The following NPAS3 variants were observed in gnomAD, a reference collection of about 807,000 sequenced individuals.
The protein encoded by NPAS3 is neuronal PAS domain protein 3, also known as neuronal PAS domain-containing protein 3.
NPAS3 carries 14 observed loss-of-function variants against 73.1 expected under a neutral mutation model. The observed-to-expected ratio is 0.19, with a 90% CI of 0.13 to 0.30. The LOEUF (loss-of-function observed/expected upper bound fraction) is 0.30, where lower values mean the gene tolerates loss of function less well. NPAS3 is among the 10% of genes least tolerant of loss of function. The pLI, the probability that NPAS3 is intolerant of heterozygous loss-of-function variation, is 1.00. For synonymous variants in NPAS3, 620 were observed against 541.5 expected (o/e 1.14, Z -2.01); for missense variants, 1,096 against 1,250.0 (o/e 0.88, Z 1.86).
At chr14:33,525,127 T>C (rs2053740647) in intron 4 of NPAS3, among the ~76,000 whole-genome samples, 1 of 152,184 alleles carries the variant, frequency 6.6e-6, no homozygotes, top group African/African-American at 2.4e-5. Flanking sequence ...ATTCATAATG[T>C]AGAAAAATGT....
chr14:33,362,475 C>T (rs1191102798), intron 3 of NPAS3, among the ~76,000 whole-genome samples: 1 of 152,176 alleles, frequency 6.6e-6, no homozygotes, highest in Admixed American at 6.5e-5. Context: ...GAATCCCTTT[C>T]CTTTTCTTCT....
At chr14:32,942,133 T>C (rs1260667981) in intron 1 of NPAS3, among the ~76,000 whole-genome samples, 1 of 152,220 alleles carries the variant, frequency 6.6e-6, no homozygotes, top group Non-Finnish European at 1.5e-5. Flanking sequence ...TGACTTTCTG[T>C]GGATATGTTT....
intron 3 of NPAS3, 156 bp downstream of exon 3, chr14:33,215,582 G>A (rs773144656): frequency 1.2e-6 from 1 of 855,532 alleles, no homozygotes; most frequent in Non-Finnish European, 2.0e-6. Flanking sequence ...AAGACACCAT[G>A]TGAAGGTGAA....
intron 1 of NPAS3, among the ~76,000 whole-genome samples, chr14:32,939,800 G>C (rs1463492802): frequency 2.0e-5 from 3 of 152,034 alleles, no homozygotes; most frequent in East Asian, 1.9e-4. Flanking sequence ...GGCTGGGGAG[G>C]GGGAGGGAAG....
chr14:33,770,914 A>G (rs943433033), intron 7 of NPAS3, among the ~76,000 whole-genome samples: 16 of 152,218 alleles, frequency 1.1e-4, no homozygotes, highest in Non-Finnish European at 1.6e-4. Context: ...AAAACAAAAC[A>G]AAACAAAAAA....
chr14:33,222,888 G>A (rs981749800), intron 3 of NPAS3, among the ~76,000 whole-genome samples: 2 of 152,148 alleles, frequency 1.3e-5, no homozygotes, highest in Non-Finnish European at 2.9e-5. Context: ...TGGGAATAAT[G>A]TGAAAACAAA....
chr14:33,143,799 G>A (rs190289054), intron 2 of NPAS3, among the ~76,000 whole-genome samples: 1 of 152,234 alleles, frequency 6.6e-6, no homozygotes, highest in Admixed American at 6.5e-5. Flanking sequence ...GATGTTTCCT[G>A]TAAATGGAAT....
intron 4 of NPAS3, among the ~76,000 whole-genome samples, chr14:33,503,760 G>T (rs2052627611): frequency 6.6e-6 from 1 of 151,928 alleles, no homozygotes; most frequent in Admixed American, 6.6e-5. Flanking sequence ...GAAAGCTGAA[G>T]GAAGAAAATT....
chr14:33,246,322 G>A (rs1308837356), intron 3 of NPAS3, among the ~76,000 whole-genome samples: 2 of 151,420 alleles, frequency 1.3e-5, no homozygotes, highest in African/African-American at 4.9e-5. Flanking sequence ...GGCGGATCAC[G>A]AGGTCAGGAG....
intron 5 of NPAS3, among the ~76,000 whole-genome samples, chr14:33,672,949 T>G (rs1184305433): frequency 6.6e-6 from 1 of 152,214 alleles, no homozygotes; most frequent in African/African-American, 2.4e-5. Flanking sequence ...ATGTTGAAAG[T>G]GTTAGATACA....
chr14:33,203,224 T>G (rs1003249344), intron 2 of NPAS3, among the ~76,000 whole-genome samples: 1 of 152,266 alleles, frequency 6.6e-6, no homozygotes, highest in African/African-American at 2.4e-5. Context: ...AGTGCCCATG[T>G]CATTTTGGTT....
chr14:33,271,835 A>G (rs959507494), intron 3 of NPAS3, among the ~76,000 whole-genome samples: 3 of 152,100 alleles, frequency 2.0e-5, no homozygotes, highest in Admixed American at 1.3e-4. Flanking sequence ...AAATTAAGTT[A>G]GTTATATTCC....
chr14:33,715,954 C>T (rs750663967), intron 6 of NPAS3, among the ~76,000 whole-genome samples: 12 of 152,228 alleles, frequency 7.9e-5, no homozygotes, highest in Non-Finnish European at 1.8e-4. Flanking sequence ...CCTCCCTCGC[C>T]TTCCACCATG....
At chr14:33,743,919 T>C (rs1393313438) in intron 7 of NPAS3, among the ~76,000 whole-genome samples, 1 of 152,244 alleles carries the variant, frequency 6.6e-6, no homozygotes, top group African/African-American at 2.4e-5. Flanking sequence ...TCTTCATATC[T>C]CTCAGCCTTC....
At chr14:33,342,084 C>T (rs930646803) in intron 3 of NPAS3, among the ~76,000 whole-genome samples, 13 of 152,118 alleles carry the variant, frequency 8.5e-5, no homozygotes, top group African/African-American at 2.9e-4. Context: ...TTCCACGTGT[C>T]CTGACAGAAA....
At chr14:33,664,454 C>T (rs1192970341) in intron 5 of NPAS3, among the ~76,000 whole-genome samples, 3 of 152,186 alleles carry the variant, frequency 2.0e-5, no homozygotes, top group Non-Finnish European at 2.9e-5. Flanking sequence ...AGGACATAGG[C>T]ATGGGCAAAG....
intron 4 of NPAS3, among the ~76,000 whole-genome samples, chr14:33,527,085 G>A (rs556770491): frequency 1.3e-5 from 2 of 152,242 alleles, no homozygotes; most frequent in African/African-American, 2.4e-5. Flanking sequence ...GCTATATGTG[G>A]AGAAGGAGGA....
intron 2 of NPAS3, among the ~76,000 whole-genome samples, chr14:33,155,762 C>T (rs1412325191): frequency 6.6e-6 from 1 of 152,064 alleles, no homozygotes; most frequent in Non-Finnish European, 1.5e-5. Flanking sequence ...GGTATCTTCC[C>T]TCTGTCTTCA....
intron 1 of NPAS3, among the ~76,000 whole-genome samples, chr14:33,030,350 G>A (rs574680585): frequency 6.6e-6 from 1 of 152,268 alleles, no homozygotes; most frequent in East Asian, 1.9e-4. Flanking sequence ...GTTTCAAAGT[G>A]CAGAAAATAT....
Sources: gnomAD v4.1 joint callset for allele counts (sites outside exome capture counted in the v4.1 genomes callset) on GRCh38, gnomAD v4.1.1 for gene constraint, MANE v1.5 for transcripts, NCBI Gene and HGNC (gene_info 2026-07-23, HGNC 2026-07-21) for gene names.